Variants in CDH10 observed in about 807,000 individuals in gnomAD.
The protein encoded by CDH10 is cadherin-10.
Under a neutral mutation model 73.1 loss-of-function variants are expected in CDH10, and 30 were observed. The observed-to-expected ratio is 0.41, with a 90% CI of 0.31 to 0.56. CDH10 has a LOEUF of 0.56. Ranked by LOEUF, CDH10 falls within the 20% of genes least tolerant of loss-of-function variation. CDH10 has a pLI of 0.27. For missense variants in CDH10, 815 were observed against 973.7 expected, an observed-to-expected ratio of 0.84 and a Z score of 2.17; for synonymous variants, 345 against 348.2, an observed-to-expected ratio of 0.99 and a Z score of 0.10.
At chr5:24,588,307 T>C (rs1375474530) in intron 2 of CDH10, among the ~76,000 whole-genome samples, 1 of 152,192 alleles carries the variant, frequency 6.6e-6, no homozygotes, top group Non-Finnish European at 1.5e-5. Context: ...AAAAAATAAC[T>C]GTGTCCCAAT....
At chr5:24,508,572 G>T (rs1579734347) in intron 7 of CDH10, among the ~76,000 whole-genome samples, 1 of 152,246 alleles carries the variant, frequency 6.6e-6, no homozygotes, top group East Asian at 1.9e-4. Context: ...TCACTGGAGA[G>T]CAGTGGTGTG....
chr5:24,603,273 AG>A (rs1396276594), intron 1 of CDH10, among the ~76,000 whole-genome samples: 11 of 152,230 alleles, frequency 7.2e-5, no homozygotes, highest in African/African-American at 2.7e-4. Context: ...CAATCCAAAC[AG>A]GTACTATATA....
At chr5:24,554,753 G>T (rs898758682) in intron 2 of CDH10, among the ~76,000 whole-genome samples, 2 of 151,954 alleles carry the variant, frequency 1.3e-5, no homozygotes, top group African/African-American at 4.8e-5. Flanking sequence ...TATCCTTGTG[G>T]TTTTAAAATC....
intron 1 of CDH10, chr5:24,609,654 C>G (rs954710238): frequency 2.6e-5 from 4 of 152,082 alleles, no homozygotes; most frequent in African/African-American, 9.7e-5. Flanking sequence ...GAAGGACTAG[C>G]TACTGTACAA....
intron 5 of CDH10, among the ~76,000 whole-genome samples, chr5:24,524,188 TA>T (rs1743441817): frequency 6.6e-6 from 1 of 152,136 alleles, no homozygotes; most frequent in Admixed American, 6.6e-5. Context: ...GGACAAGATT[TA>T]TTGGGTCTAT....
intron 1 of CDH10, among the ~76,000 whole-genome samples, chr5:24,614,496 C>T (rs1474771966): frequency 1.3e-5 from 2 of 152,134 alleles, no homozygotes; most frequent in African/African-American, 4.8e-5. Flanking sequence ...TAATAGCAGG[C>T]TGATAAATTA....
Position 24,628,611 on chromosome 5 carries a change from C to T in CDH10, c.-124+15983G>A, listed in dbSNP as rs1747588801. Among the ~76,000 whole-genome samples the T allele has an allele frequency of 2.6e-5, 4 of 152,140 alleles. No individual in the cohort carries two copies. In the South Asian group the frequency reaches 6.2e-4, roughly 24 times the overall value. On this transcript the variant is annotated intron_variant, in intron 1 of 11. Coordinates refer to ENST00000264463, the MANE Select transcript of CDH10 (RefSeq NM_006727.5). Reference sequence around the variant, plus strand: ...GTTGATACTTTTTTACCCTATTTGTCTCTTTGAACTTCTTTTAAGTGAAAT... The same window carrying T: ...GTTGATACTTTTTTACCCTATTTGTTTCTTTGAACTTCTTTTAAGTGAAAT...
chr5:24,508,330 T>C (rs1163951453), intron 7 of CDH10, among the ~76,000 whole-genome samples: 4 of 152,162 alleles, frequency 2.6e-5, no homozygotes, highest in Non-Finnish European at 4.4e-5. Flanking sequence ...GTTTATCACA[T>C]CTCATCTGTT....
intron 1 of CDH10, among the ~76,000 whole-genome samples, chr5:24,644,392 T>C (rs1231779011): frequency 1.3e-5 from 2 of 152,192 alleles, no homozygotes; most frequent in East Asian, 1.9e-4. Flanking sequence ...ATTGCCTATA[T>C]AGATATTCGA....
intron 2 of CDH10, among the ~76,000 whole-genome samples, chr5:24,582,715 C>CA (rs1745846481): frequency 1.3e-5 from 2 of 152,132 alleles, no homozygotes; most frequent in Non-Finnish European, 2.9e-5. Flanking sequence ...GAAAGATTGA[C>CA]AAAGGATCTG....
chr5:24,510,701 T>C (rs1742873519), intron 6 of CDH10, among the ~76,000 whole-genome samples: 1 of 152,210 alleles, frequency 6.6e-6, no homozygotes, highest in East Asian at 1.9e-4. Flanking sequence ...TAACTAATGC[T>C]TGTGTAGTTA....
chr5:24,514,895 T>C (rs557209064), intron 5 of CDH10, among the ~76,000 whole-genome samples: 23 of 152,086 alleles, frequency 1.5e-4, no homozygotes, highest in Non-Finnish European at 3.1e-4. Flanking sequence ...ATATACAACT[T>C]GAATAAATCA....
At chr5:24,624,946 C>T (rs914816630) in intron 1 of CDH10, among the ~76,000 whole-genome samples, 3 of 152,226 alleles carry the variant, frequency 2.0e-5, no homozygotes, top group Middle Eastern at 3.4e-3. Flanking sequence ...TAAAGATTAG[C>T]ATCTTCAATC....
At chr5:24,523,206 T>G (rs1405035041) in intron 5 of CDH10, among the ~76,000 whole-genome samples, 1 of 152,054 alleles carries the variant, frequency 6.6e-6, no homozygotes, top group Non-Finnish European at 1.5e-5. Context: ...TGTATAAACA[T>G]ATCTCAACAA....
intron 1 of CDH10, among the ~76,000 whole-genome samples, chr5:24,643,509 A>G (rs930808424): frequency 9.0e-5 from 12 of 133,014 alleles, no homozygotes; most frequent in African/African-American, 3.4e-4. Context: ...AGGACAGATT[A>G]TTTTTAATAC....
intron 2 of CDH10, among the ~76,000 whole-genome samples, chr5:24,551,046 T>C (rs1391519113): frequency 1.3e-5 from 2 of 152,166 alleles, no homozygotes; most frequent in East Asian, 1.9e-4. Flanking sequence ...CACATTACAA[T>C]ACAATCTAAA....
chr5:24,518,279 G>T (rs1323845197), intron 5 of CDH10, among the ~76,000 whole-genome samples: 2 of 152,002 alleles, frequency 1.3e-5, no homozygotes, highest in African/African-American at 4.8e-5. Context: ...TAAACATTTA[G>T]CTCATAAAGC....
rs533207245 is a variant in CDH10, at chr5:24,557,265, T to C, written c.232-19591A>G. ...ATACCTTCCAGATAATTTTTTAATT[T>C]GAAATTTTCTGGGTTTTTTTGTAAT... On this transcript the variant is annotated intron_variant, in intron 2 of 11. Transcript: ENST00000264463. 1.4e-4 allele frequency among the ~76,000 whole-genome samples: 21 copies of C among 151,958 alleles called. No homozygotes were observed. The South Asian group carries it at 2.1e-3, about 15-fold the overall frequency.
chr5:24,489,138 C>T (rs536911256), intron 11 of CDH10, among the ~76,000 whole-genome samples: 19 of 152,034 alleles, frequency 1.2e-4, no homozygotes, highest in African/African-American at 4.3e-4. Context: ...GATGGGAAGA[C>T]TCTTACTGGA....
Sources: allele counts gnomAD v4.1 joint callset (sites outside exome capture counted in the v4.1 genomes callset), GRCh38; gene constraint gnomAD v4.1.1; transcripts MANE v1.5; gene names NCBI Gene and HGNC (gene_info 2026-07-23, HGNC 2026-07-21).